Variants in CACNA1A observed in about 807,000 individuals in gnomAD.
The protein encoded by CACNA1A is calcium voltage-gated channel subunit alpha1 A, also known as voltage-dependent P/Q-type calcium channel subunit alpha-1A.
In CACNA1A, 57 loss-of-function variants were observed where a neutral mutation model predicts 262.4. The observed-to-expected ratio is 0.22, with a 90% confidence interval of 0.18 to 0.27. The LOEUF is 0.27. Ranked by LOEUF, CACNA1A falls within the 10% of genes least tolerant of loss-of-function variation. The pLI, the probability that CACNA1A is intolerant of heterozygous loss-of-function variation, is 1.00. For missense variants in CACNA1A, 2,526 were observed against 3,562.8 expected, an observed-to-expected ratio of 0.71 and a Z score of 7.41; for synonymous variants, 1,431 against 1,419.3, an observed-to-expected ratio of 1.01 and a Z score of -0.18.
intron 3 of CACNA1A, among the ~76,000 whole-genome samples, chr19:13,385,299 G>A (rs942815740): frequency 2.0e-5 from 3 of 146,440 alleles, no homozygotes; most frequent in African/African-American, 7.7e-5. Context: ...GCACGATCTC[G>A]GCTTATTGCA....
rs2056742760 is a variant in CACNA1A at position 13,261,898 on chromosome 19, C to T, written c.4090-288G>A. Reference sequence around the variant, plus strand: ...AAAAACAAGGTAACAAAGTTACTTCCTTTCCAACTCTCTCAATCCTTTTGA... The same window carrying T: ...AAAAACAAGGTAACAAAGTTACTTCTTTTCCAACTCTCTCAATCCTTTTGA... On this transcript the variant is annotated intron_variant, in intron 25 of 46. Transcript: ENST00000360228. The T allele has an allele frequency of 1.9e-5, 6 of 316,394 alleles. No homozygotes were observed. In the South Asian group the frequency reaches 3.6e-4, roughly 19 times the overall value. 19.6% of individuals were successfully genotyped at this position (316,394 alleles called of 1,614,324 possible). A position where few individuals can be genotyped will look rare whatever the true frequency, so the allele number is the denominator to read the frequency against.
rs1331367408 is a variant in CACNA1A, at chr19:13,286,822, C to T, written c.3234G>A (p.Ser1078=). 27 of 1,613,274 alleles carry T rather than the reference C, an allele frequency of 1.7e-5. No homozygotes were observed. The highest frequency in any genetic ancestry group is 2.7e-5 in the African/African-American group (2 of 74,800). The change falls in exon 20 of 47, where the codon TCG becomes TCA. Residue 1078 remains serine (S), a synonymous_variant. Coordinates refer to ENST00000360228, the MANE Select transcript of CACNA1A (RefSeq NM_001127222.2). ...GGCCAAGGCTGCCGTGGGGAGCGGCCGACTCCGCGGTGGCCAGCTTGTTGT... is the reference window on the plus strand; with the variant it reads ...GGCCAAGGCTGCCGTGGGGAGCGGCTGACTCCGCGGTGGCCAGCTTGTTGT... ...MKNNKLATAE[S]AAPHGSLGHA...
chr19:13,455,296 G>A lies in CACNA1A; in HGVS notation c.294-84C>T, dbSNP rs1345098026. 3.9e-6 allele frequency: 3 copies of A among 777,904 alleles called. No homozygotes were observed. The African/African-American group carries it at 5.1e-5, about 13-fold the overall frequency. The allele number at this position is 777,904 out of a possible 1,614,324, so 48.2% of individuals were successfully genotyped here. On this transcript the variant is annotated intron_variant, in intron 1 of 46. Coordinates refer to ENST00000360228, the MANE Select transcript of CACNA1A (RefSeq NM_001127222.2). Reference sequence around the variant, plus strand: ...CCACCCCCACTGACCCCAGTGGAAAGATCTCAAGCCCTCTAGATCCTTCCA... The same window carrying A: ...CCACCCCCACTGACCCCAGTGGAAAAATCTCAAGCCCTCTAGATCCTTCCA...
intron 33 of CACNA1A, 70 bp downstream of exon 33, chr19:13,235,139 G>C: frequency 1.9e-6 from 3 of 1,565,098 alleles, no homozygotes; most frequent in Non-Finnish European, 2.6e-6. Context: ...AGGCTCCTCT[G>C]ACCCACCCCT....
intron 21 of CACNA1A, chr19:13,283,680 T>C (rs1042425660): frequency 6.8e-6 from 2 of 295,104 alleles, no homozygotes; most frequent in East Asian, 6.3e-5. Context: ...CCAAGCTAGG[T>C]TGAAGAAATA....
At chr19:13,406,431 G>A (rs1217180627) in intron 3 of CACNA1A, among the ~76,000 whole-genome samples, 4 of 128,862 alleles carry the variant, frequency 3.1e-5, no homozygotes, top group African/African-American at 1.2e-4. Context: ...CTTCAGCCTG[G>A]GTGACAGAGG....
chr19:13,208,739 C>A lies in CACNA1A; in HGVS notation c.6780+17G>T. 1 of 1,565,336 alleles carries A rather than the reference C, an allele frequency of 6.4e-7. No individual in the cohort carries two copies. Among genetic ancestry groups the A allele is most frequent in the Non-Finnish European group, 8.6e-7 (1 of 1,161,350 alleles). ...CCCGGCCGAGCCCAGCCTGGGGTCA[C>A]TTGCAGCCGCACCCACCTGCCGGTG... On this transcript the variant is annotated intron_variant, in intron 46 of 46. Transcript: ENST00000360228.
At chr19:13,501,377 T>C (rs769711133) in intron 1 of CACNA1A, among the ~76,000 whole-genome samples, 40 of 152,052 alleles carry the variant, frequency 2.6e-4, no homozygotes, top group Non-Finnish European at 4.9e-4. Context: ...GGTTTCACCA[T>C]GTTGGCCAGG....
chr19:13,253,156 A>T (rs1192590183), intron 29 of CACNA1A, 55 bp from the exon 30 acceptor site: 22 of 1,142,446 alleles, frequency 1.9e-5, no homozygotes, highest in Non-Finnish European at 2.9e-5. Context: ...GGGAAGTGGG[A>T]AGTGGGGAGG....
chr19:13,262,926 C>T, intron 24 of CACNA1A, 93 bp from the exon 25 acceptor site: 1 of 804,370 alleles, frequency 1.2e-6, no homozygotes, highest in Non-Finnish European at 2.2e-6. Flanking sequence ...GGACCCTACC[C>T]TCCCAGGCCT....
chr19:13,257,125 GT>G, intron 28 of CACNA1A: 1 of 366,344 alleles, frequency 2.7e-6, no homozygotes, highest in Non-Finnish European at 4.9e-6. Flanking sequence ...GGGGTTGCTT[GT>G]TACTGCGGCA....
At chr19:13,470,015 C>A (rs1247882785) in intron 1 of CACNA1A, among the ~76,000 whole-genome samples, 1 of 152,072 alleles carries the variant, frequency 6.6e-6, no homozygotes, top group Non-Finnish European at 1.5e-5. Context: ...ATGAGATCAA[C>A]TATCTGGGCT....
intron 6 of CACNA1A, among the ~76,000 whole-genome samples, chr19:13,336,623 G>GAGAGAGAA: frequency 6.8e-6 from 1 of 147,340 alleles, no homozygotes; most frequent in Non-Finnish European, 1.5e-5. Flanking sequence ...GAGAGAGAGA[G>GAGAGAGAA]AGAGAGAGAG....
At position 13,208,913 on chromosome 19, in the gene CACNA1A, C is replaced by T. The variant is rs578195800; in HGVS notation, c.6623G>A (p.Arg2208Gln). 12 of 1,536,722 alleles carry T rather than the reference C, an allele frequency of 7.8e-6. No homozygotes were observed. In the East Asian group the frequency reaches 9.8e-5, roughly 13 times the overall value. ...GTGGTGGTGGTGGTGGTGGTGCTGT[C>T]GATGCTTCCGATCCTTGGGCCGGCC... Reference protein sequence around the residue: ...ERGRPKDRKHRQHHHHHHHHH... With the variant: ...ERGRPKDRKHQQHHHHHHHHH... Residue 2208 changes from arginine (R) to glutamine (Q), a missense_variant, in exon 46 of 47, where the codon CGA becomes CAA. Physicochemically the swap from Arg to Gln is conservative, Grantham distance 43. This residue lies in a region of CACNA1A where 929 missense variants were observed against 868.1 expected (regional missense o/e 1.07). Transcript: ENST00000360228.
In CACNA1A at chr19:13,399,667, C is replaced by T. The variant is rs1475365409; in HGVS notation, c.540-27888G>A. 5.3e-5 allele frequency among the ~76,000 whole-genome samples: 8 copies of T among 152,266 alleles called. No homozygotes were observed. In the East Asian group the frequency reaches 1.2e-3, roughly 22 times the overall value. On this transcript the variant is annotated intron_variant, in intron 3 of 46. Transcript: ENST00000360228. The stretch of plus-strand genomic sequence containing the variant: ...CTCCTTTCTTGCTTTCCTCAAGCAA[C>T]GACAGGCTCCTCACCATGCCAAAAA...
rs527775668 is a variant in CACNA1A, at chr19:13,343,155, T to C, written c.979-7246A>G. Among the ~76,000 whole-genome samples, 4 of 151,704 alleles carry C rather than the reference T, an allele frequency of 2.6e-5. No homozygotes were observed. In the South Asian group the frequency reaches 8.3e-4, roughly 32 times the overall value. ...TTTTTTTTTTGAGATGGGGTCTTGC[T>C]CTGTTGCCCAGGCTGGAGTGCAATG... On this transcript the variant is annotated intron_variant, in intron 6 of 46. Coordinates refer to ENST00000360228, the MANE Select transcript of CACNA1A (RefSeq NM_001127222.2).
intron 31 of CACNA1A, among the ~76,000 whole-genome samples, chr19:13,239,286 G>T (rs1263516419): frequency 6.6e-6 from 1 of 152,126 alleles, no homozygotes; most frequent in Non-Finnish European, 1.5e-5. Context: ...CTCGCTTGCA[G>T]ATCCTGACCC....
At chr19:13,258,183 G>A (rs1251723867) in intron 27 of CACNA1A, 2 of 152,202 alleles carry the variant, frequency 1.3e-5, no homozygotes, top group Admixed American at 1.3e-4. Flanking sequence ...TTGAGGTTCA[G>A]CAATTTAAAG....
chr19:13,215,255 C>T (rs2054959011), intron 38 of CACNA1A: 1 of 151,772 alleles, frequency 6.6e-6, no homozygotes, highest in Admixed American at 6.6e-5. Flanking sequence ...GGGTGATCCA[C>T]ACGCCTCGGC....
Sources: allele counts gnomAD v4.1 joint callset (sites outside exome capture counted in the v4.1 genomes callset), GRCh38; gene constraint gnomAD v4.1.1; regional missense constraint gnomAD v4.1.1; transcripts MANE v1.5; gene names NCBI Gene and HGNC (gene_info 2026-07-23, HGNC 2026-07-21).